The following ALOX5 variants were observed in gnomAD, a reference collection of about 807,000 sequenced individuals.
ALOX5 encodes the protein arachidonate 5-lipoxygenase, also known as polyunsaturated fatty acid 5-lipoxygenase.
A neutral mutation model predicts 87.9 loss-of-function variants in ALOX5; 64 were observed. That is an observed-to-expected ratio of 0.73 (90% CI 0.60 to 0.90). The LOEUF (loss-of-function observed/expected upper bound fraction) is 0.90, where lower values mean the gene tolerates loss of function less well. ALOX5 is among the 40% of genes least tolerant of loss of function. The pLI is 0.00. For missense variants in ALOX5, 822 were observed against 907.5 expected (o/e 0.91, Z 1.21); for synonymous variants, 388 against 355.1 (o/e 1.09, Z -1.04).
chr10:45,420,585 A>G (rs1443070847), intron 4 of ALOX5, among the ~76,000 whole-genome samples: 1 of 152,266 alleles, frequency 6.6e-6, no homozygotes, highest in African/African-American at 2.4e-5. Flanking sequence ...CAGGAAACTG[A>G]AACTTGGCTG....
chr10:45,440,177 C>T (rs1842182797), intron 7 of ALOX5, among the ~76,000 whole-genome samples: 1 of 152,182 alleles, frequency 6.6e-6, no homozygotes, highest in Admixed American at 6.5e-5. Flanking sequence ...GATCACTGTC[C>T]CCACATGACA....
intron 2 of ALOX5, 32 bp from the exon 3 acceptor site, chr10:45,395,823 C>T: frequency 6.2e-7 from 1 of 1,600,692 alleles, no homozygotes; most frequent in Non-Finnish European, 8.6e-7. Context: ...TGTTCTTCCT[C>T]AGGCTCCTCT....
At chr10:45,439,498 G>A (rs1399760383) in intron 7 of ALOX5, among the ~76,000 whole-genome samples, 3 of 152,316 alleles carry the variant, frequency 2.0e-5, no homozygotes, top group Non-Finnish European at 4.4e-5. Flanking sequence ...GTAAAAATGG[G>A]CAATGCCAGC....
chr10:45,415,354 A>C (rs982234900), intron 4 of ALOX5, among the ~76,000 whole-genome samples: 2 of 152,270 alleles, frequency 1.3e-5, no homozygotes, highest in Non-Finnish European at 1.5e-5. Flanking sequence ...CAAACACCGC[A>C]TGTTCTCACT....
Position 45,443,744 on chromosome 10 carries a change from C to A in ALOX5, c.1590C>A (p.Val530=). The change falls in exon 12 of 14, where the codon GTC becomes GTA. Residue 530 remains valine (V), a synonymous_variant. Coordinates refer to ENST00000374391, the MANE Select transcript of ALOX5 (RefSeq NM_000698.5). The part of the protein sequence containing the change: ...GRKSSGFPKS[V]KSREQLSEYL... Reference sequence around the variant, plus strand: ...CCACCCTAGGCTTCCCCAAGTCGGTCAAGAGCCGGGAGCAGCTGTCGGAGT... The same window carrying A: ...CCACCCTAGGCTTCCCCAAGTCGGTAAAGAGCCGGGAGCAGCTGTCGGAGT... 6.2e-7 allele frequency: 1 copy of A among 1,612,236 alleles called. No homozygotes were observed. Among genetic ancestry groups the A allele is most frequent in the Non-Finnish European group, 8.5e-7 (1 of 1,179,386 alleles).
chr10:45,382,497 C>CCAG lies in ALOX5; in HGVS notation c.165_166insCAG (p.Asp55_Val56insGln). 1 of 1,614,164 alleles carries CCAG rather than the reference C, an allele frequency of 6.2e-7. No homozygotes were observed. The highest frequency in any genetic ancestry group is 8.5e-7 in the Non-Finnish European group (1 of 1,180,042). ...CTCCTTCCCAGGTGGATTCATACGACGTGACTGTGGACGAGGAACTGGGCG... is the reference window on the plus strand; with the variant it reads ...CTCCTTCCCAGGTGGATTCATACGACCAGGTGACTGTGGACGAGGAACTGGGCG... On this transcript the variant is annotated inframe_insertion, in exon 2 of 14. Transcript: ENST00000374391.
At chr10:45,445,423 G>A in intron 13 of ALOX5, 85 bp from the exon 14 acceptor site, 2 of 1,486,700 alleles carry the variant, frequency 1.3e-6, no homozygotes, top group Middle Eastern at 1.8e-4. Context: ...CCCAAACGGT[G>A]GCTGGCCCCT....
intron 3 of ALOX5, among the ~76,000 whole-genome samples, chr10:45,407,343 T>G (rs1430422558): frequency 2.6e-5 from 4 of 152,166 alleles, no homozygotes; most frequent in African/African-American, 4.8e-5. Context: ...CTCCTGTCTC[T>G]TGGACATTTT....
chr10:45,389,239 G>T (rs1404917206), intron 2 of ALOX5, among the ~76,000 whole-genome samples: 2 of 152,148 alleles, frequency 1.3e-5, no homozygotes, highest in Non-Finnish European at 2.9e-5. Context: ...AAAGTGATGG[G>T]GAGAATGGAA....
chr10:45,411,085 A>T (rs1841046468), intron 3 of ALOX5, among the ~76,000 whole-genome samples: 1 of 152,160 alleles, frequency 6.6e-6, no homozygotes, highest in African/African-American at 2.4e-5. Flanking sequence ...TTTAGACCAT[A>T]TAGGGTAACT....
intron 4 of ALOX5, among the ~76,000 whole-genome samples, chr10:45,421,338 C>G (rs149976206): frequency 1.3e-5 from 2 of 152,338 alleles, no homozygotes; most frequent in East Asian, 1.9e-4. Context: ...GTGACTCACT[C>G]CTGGTTCCTC....
intron 7 of ALOX5, among the ~76,000 whole-genome samples, chr10:45,438,920 T>C (rs1204385152): frequency 2.6e-5 from 4 of 152,176 alleles, no homozygotes; most frequent in Admixed American, 1.3e-4. Flanking sequence ...GTGCTGAGGC[T>C]TCTGGGGTCT....
chr10:45,378,634 A>G (rs1358755801), intron 1 of ALOX5, among the ~76,000 whole-genome samples: 2 of 152,180 alleles, frequency 1.3e-5, no homozygotes, highest in East Asian at 3.8e-4. Context: ...GATATTTTGC[A>G]GTTTGACACA....
At chr10:45,443,007 C>G in intron 9 of ALOX5, 31 bp from the exon 10 acceptor site, 1 of 1,593,458 alleles carries the variant, frequency 6.3e-7, no homozygotes, top group Non-Finnish European at 8.5e-7. Flanking sequence ...GGAGGAGCCA[C>G]CCGCTCAGGG....
intron 4 of ALOX5, among the ~76,000 whole-genome samples, chr10:45,420,957 C>T (rs1841484087): frequency 6.6e-6 from 1 of 152,232 alleles, no homozygotes; most frequent in Non-Finnish European, 1.5e-5. Flanking sequence ...GGCACATGGC[C>T]AACAGCTGGT....
At chr10:45,404,089 G>T (rs932481963) in intron 3 of ALOX5, among the ~76,000 whole-genome samples, 3 of 152,344 alleles carry the variant, frequency 2.0e-5, no homozygotes, top group Non-Finnish European at 4.4e-5. Flanking sequence ...TTATCTGGGA[G>T]CTACTTAACA....
intron 7 of ALOX5, among the ~76,000 whole-genome samples, chr10:45,439,412 C>T (rs538782314): frequency 3.5e-4 from 54 of 152,374 alleles, no homozygotes; most frequent in African/African-American, 1.3e-3. Context: ...CATGCCCCTT[C>T]CTGGCCGCTC....
intron 4 of ALOX5, among the ~76,000 whole-genome samples, chr10:45,418,447 C>A (rs1021490736): frequency 6.6e-6 from 1 of 152,154 alleles, no homozygotes; most frequent in Non-Finnish European, 1.5e-5. Context: ...CTAAAGACAG[C>A]CTTTGTCTTC....
rs578026391 is a variant in ALOX5, at chr10:45,393,572, C to G, written c.350-2283C>G. Among the ~76,000 whole-genome samples the G allele has an allele frequency of 4.8e-3, 733 of 152,316 alleles. 4 individuals are homozygous for G. The highest frequency in any genetic ancestry group is 0.017 in the African/African-American group (706 of 41,570). On this transcript the variant is annotated intron_variant, in intron 2 of 13. Coordinates refer to ENST00000374391, the MANE Select transcript of ALOX5 (RefSeq NM_000698.5). ...ACAGGGATGCCCTCTCTCACCACTC[C>G]TATTCAACATAGTGTTGGAAGTTCT... is the stretch of plus-strand genomic sequence containing the variant.
Sources: allele counts gnomAD v4.1 joint callset (sites outside exome capture counted in the v4.1 genomes callset), GRCh38; gene constraint gnomAD v4.1.1; transcripts MANE v1.5; gene names NCBI Gene and HGNC (gene_info 2026-07-23, HGNC 2026-07-21).